CEMIP: variants seen among roughly 807,000 people sequenced by gnomAD.
CEMIP encodes cell migration-inducing and hyaluronan-binding protein.
CEMIP carries 105 observed loss-of-function variants against 156.9 expected under a neutral mutation model. That is an observed-to-expected ratio of 0.67 (90% CI 0.57 to 0.79). The LOEUF (loss-of-function observed/expected upper bound fraction) is 0.79. Among genes scored for constraint, CEMIP ranks in the 30% least tolerant of loss-of-function variants. The pLI is 0.00. For synonymous variants in CEMIP, 676 were observed against 668.4 expected (o/e 1.01, Z -0.17); for missense variants, 1,457 against 1,769.4 (o/e 0.82, Z 3.17).
At chr15:80,846,382 C>G (rs1344632340) in intron 1 of CEMIP, among the ~76,000 whole-genome samples, 1 of 152,218 alleles carries the variant, frequency 6.6e-6, no homozygotes, top group Admixed American at 6.5e-5. Context: ...CTTTTCCTCC[C>G]CCAGGAAAAC....
intron 15 of CEMIP, 34 bp downstream of exon 15, chr15:80,920,333 G>T (rs1476979049): frequency 1.9e-6 from 3 of 1,584,094 alleles, no homozygotes; most frequent in African/African-American, 1.3e-5. Context: ...TGTGCTGGGG[G>T]GAAGGGGTGT....
chr15:80,795,658 G>A (rs1274114016), intron 1 of CEMIP, among the ~76,000 whole-genome samples: 2 of 152,184 alleles, frequency 1.3e-5, no homozygotes, highest in African/African-American at 4.8e-5. Context: ...GAAAAGCCAG[G>A]TGCAGTGGCT....
At chr15:80,899,738 C>T (rs140887556) in intron 12 of CEMIP, among the ~76,000 whole-genome samples, 64 of 152,278 alleles carry the variant, frequency 4.2e-4, no homozygotes, top group African/African-American at 1.5e-3. Flanking sequence ...CTGGATATCC[C>T]CTGGCAGGGA....
chr15:80,886,557 G>C (rs1041224562), intron 7 of CEMIP, among the ~76,000 whole-genome samples: 15 of 152,116 alleles, frequency 9.9e-5, no homozygotes, highest in Non-Finnish European at 1.8e-4. Context: ...CTGTAGGGGG[G>C]GAAAATCTCT....
At chr15:80,861,632 A>G (rs1897990493) in intron 1 of CEMIP, among the ~76,000 whole-genome samples, 1 of 152,224 alleles carries the variant, frequency 6.6e-6, no homozygotes, top group African/African-American at 2.4e-5. Context: ...GTAGGAGGTG[A>G]TGGGAAGAGG....
chr15:80,788,845 A>C (rs1896010580), intron 1 of CEMIP, among the ~76,000 whole-genome samples: 1 of 152,150 alleles, frequency 6.6e-6, no homozygotes, highest in Non-Finnish European at 1.5e-5. Flanking sequence ...GCTCACGGCC[A>C]GACGACTCTA....
chr15:80,857,451 A>G (rs1380527842), intron 1 of CEMIP, among the ~76,000 whole-genome samples: 1 of 152,196 alleles, frequency 6.6e-6, no homozygotes, highest in East Asian at 1.9e-4. Flanking sequence ...CTACTGGTTA[A>G]TATTAATGCT....
chr15:80,844,542 C>G (rs570035339), intron 1 of CEMIP, among the ~76,000 whole-genome samples: 2 of 152,170 alleles, frequency 1.3e-5, no homozygotes, highest in East Asian at 3.9e-4. Flanking sequence ...AACCACCCCC[C>G]AGATGACTCA....
chr15:80,880,138 A>C (rs1898599254), intron 5 of CEMIP, among the ~76,000 whole-genome samples: 1 of 152,184 alleles, frequency 6.6e-6, no homozygotes, highest in Admixed American at 6.6e-5. Flanking sequence ...AGGCTCTGCA[A>C]GTGTTTATAT....
At chr15:80,944,446 A>C (rs915421570) in intron 28 of CEMIP, among the ~76,000 whole-genome samples, 1 of 152,138 alleles carries the variant, frequency 6.6e-6, no homozygotes, top group South Asian at 2.1e-4. Context: ...GTGAGTGTAC[A>C]GTTCACTCAG....
intron 1 of CEMIP, among the ~76,000 whole-genome samples, chr15:80,831,324 G>A (rs1483434804): frequency 6.6e-6 from 1 of 152,160 alleles, no homozygotes; most frequent in African/African-American, 2.4e-5. Flanking sequence ...GGGGATTGGG[G>A]GAGGATAGAG....
intron 25 of CEMIP, 142 bp from the exon 26 acceptor site, chr15:80,941,707 C>T (rs1039021382): frequency 2.9e-5 from 21 of 727,814 alleles, no homozygotes; most frequent in Admixed American, 1.0e-4. Flanking sequence ...ACATGCAACT[C>T]GGTGGTAGAC....
intron 1 of CEMIP, among the ~76,000 whole-genome samples, chr15:80,799,561 T>G (rs755009027): frequency 1.3e-5 from 2 of 152,228 alleles, no homozygotes; most frequent in Non-Finnish European, 2.9e-5. Context: ...ATCCTGTTAC[T>G]GAGCATCTGC....
chr15:80,853,234 G>A (rs1897755956), intron 1 of CEMIP, among the ~76,000 whole-genome samples: 1 of 152,210 alleles, frequency 6.6e-6, no homozygotes, highest in Non-Finnish European at 1.5e-5. Flanking sequence ...AAACCAAGTT[G>A]AGCTACATTT....
chr15:80,860,266 C>G (rs114847611), intron 1 of CEMIP, among the ~76,000 whole-genome samples: 204 of 152,322 alleles, frequency 1.3e-3, no homozygotes, highest in African/African-American at 4.7e-3. Context: ...CTAACATTTT[C>G]CAGGATCTTC....
At chr15:80,848,357 A>G (rs970367592) in intron 1 of CEMIP, among the ~76,000 whole-genome samples, 4 of 152,232 alleles carry the variant, frequency 2.6e-5, no homozygotes, top group South Asian at 4.1e-4. Context: ...CCGCCCCTCA[A>G]CTGTTCCTGT....
At chr15:80,947,459 T>C in intron 29 of CEMIP, 1 of 256,140 alleles carries the variant, frequency 3.9e-6, no homozygotes, top group Non-Finnish European at 7.7e-6. Context: ...AGCTGATGCC[T>C]AGCGTTTGTA....
At chr15:80,915,316 A>G (rs1202184159) in intron 14 of CEMIP, among the ~76,000 whole-genome samples, 1 of 152,248 alleles carries the variant, frequency 6.6e-6, no homozygotes, top group Non-Finnish European at 1.5e-5. Flanking sequence ...CTATAAACTA[A>G]GTTCCTCCCA....
chr15:80,820,789 A>G (rs1451168765), intron 1 of CEMIP, among the ~76,000 whole-genome samples: 1 of 152,244 alleles, frequency 6.6e-6, no homozygotes, highest in Non-Finnish European at 1.5e-5. Flanking sequence ...AATTATAATA[A>G]TACTTAACCC....
Sources: allele counts gnomAD v4.1 joint callset (sites outside exome capture counted in the v4.1 genomes callset), GRCh38; gene constraint gnomAD v4.1.1; transcripts MANE v1.5; gene names NCBI Gene and HGNC (gene_info 2026-07-23, HGNC 2026-07-21).